FRMD3: variants seen among roughly 807,000 people sequenced by gnomAD.
FRMD3 encodes FERM domain-containing protein 3.
A neutral mutation model predicts 70.2 loss-of-function variants in FRMD3; 33 were observed. The observed-to-expected ratio is 0.47, with a 90% CI of 0.36 to 0.63. The LOEUF (loss-of-function observed/expected upper bound fraction) is 0.63, where lower values mean the gene tolerates loss of function less well. Ranked by LOEUF, FRMD3 falls within the 20% of genes least tolerant of loss-of-function variation. The pLI is 0.00. For synonymous variants in FRMD3, 279 were observed against 255.9 expected (o/e 1.09, Z -0.86); for missense variants, 632 against 711.4 (o/e 0.89, Z 1.27).
intron 1 of FRMD3, among the ~76,000 whole-genome samples, chr9:83,427,000 T>A (rs1282022049): frequency 6.6e-6 from 1 of 152,162 alleles, no homozygotes; most frequent in Non-Finnish European, 1.5e-5. Context: ...CCCAGCTAGA[T>A]CTGTGCCAAA....
chr9:83,378,634 A>ATATAATTTATATATTATATATAATATG (rs1413070623), intron 2 of FRMD3, among the ~76,000 whole-genome samples: 2 of 131,552 alleles, frequency 1.5e-5, no homozygotes, highest in African/African-American at 5.7e-5. Context: ...TAATTTATAT[A>ATATAATTTATATATTATATATAATATG]TATAATTTAT....
chr9:83,554,186 G>A, the FRMD3 span, among the ~76,000 whole-genome samples: 35 of 152,244 alleles, frequency 2.3e-4, 1 homozygote, highest in South Asian at 6.0e-3. Context: ...TAGGCTCATC[G>A]GTCAGTTTGT....
chr9:83,532,062 TCTCA>T (rs1453341436), intron 1 of FRMD3, among the ~76,000 whole-genome samples: 1 of 152,176 alleles, frequency 6.6e-6, no homozygotes, highest in African/African-American at 2.4e-5. Context: ...TTTTTTCAGC[TCTCA>T]CTATGTGCCA....
intron 13 of FRMD3, among the ~76,000 whole-genome samples, chr9:83,283,680 T>TG (rs1173461484): frequency 6.6e-6 from 1 of 152,180 alleles, no homozygotes; most frequent in Non-Finnish European, 1.5e-5. Context: ...TCCTAGCTCC[T>TG]GCAGAAGCAA....
the FRMD3 span, among the ~76,000 whole-genome samples, chr9:83,564,154 A>G: frequency 6.6e-6 from 1 of 152,210 alleles, no homozygotes; most frequent in African/African-American, 2.4e-5. Context: ...TAGTGGCCAT[A>G]TCAAAGTGGA....
At position 83,352,737 on chromosome 9, in the gene FRMD3, T is replaced by C. The variant is rs563327388; in HGVS notation, c.296-2980A>G. Among the ~76,000 whole-genome samples the C allele has an allele frequency of 5.3e-5, 8 of 152,314 alleles. No individual in the cohort carries two copies. The East Asian group carries it at 1.5e-3, about 29-fold the overall frequency. ...CCACCCTAAGTAGATTCTTGTCTGC[T>C]CTATGCTTCCTCAAGCCAGGGGCCC... is the stretch of plus-strand genomic sequence containing the variant. On this transcript the variant is annotated intron_variant, in intron 3 of 13. Coordinates refer to ENST00000304195, the MANE Select transcript of FRMD3 (RefSeq NM_174938.6).
In FRMD3 at chr9:83,517,627, C is replaced by T. The variant is rs548088214; in HGVS notation, c.147+20458G>A. Among the ~76,000 whole-genome samples the T allele has an allele frequency of 4.6e-5, 7 of 152,166 alleles. No individual in the cohort carries two copies. The East Asian group carries it at 1.4e-3, about 29-fold the overall frequency. ...AGCAATAAAAAAAGAGGGACTCATC[C>T]CTAACTCAATATATGAGGCCAGCAT... is the stretch of plus-strand genomic sequence containing the variant. On this transcript the variant is annotated intron_variant, in intron 1 of 13. Coordinates refer to ENST00000304195, the MANE Select transcript of FRMD3 (RefSeq NM_174938.6).
the FRMD3 span, among the ~76,000 whole-genome samples, chr9:83,575,424 G>T: frequency 6.6e-6 from 1 of 152,064 alleles, no homozygotes; most frequent in East Asian, 1.9e-4. Context: ...TGAGTTAATG[G>T]GTTACTGGCC....
At chr9:83,388,572 G>A (rs891726940) in intron 2 of FRMD3, among the ~76,000 whole-genome samples, 2 of 152,236 alleles carry the variant, frequency 1.3e-5, no homozygotes, top group South Asian at 2.1e-4. Flanking sequence ...CACACATCAC[G>A]TGGTTCTGGC....
At chr9:83,554,460 G>T in the FRMD3 span, among the ~76,000 whole-genome samples, 4 of 152,360 alleles carry the variant, frequency 2.6e-5, no homozygotes, top group African/African-American at 7.2e-5. Context: ...CCACCCCAGA[G>T]AGATGCTGGT....
chr9:83,353,708 T>C (rs1824240284), intron 3 of FRMD3, among the ~76,000 whole-genome samples: 1 of 152,182 alleles, frequency 6.6e-6, no homozygotes, highest in African/African-American at 2.4e-5. Flanking sequence ...ATTCCTGAGA[T>C]TTACATTTTG....
At chr9:83,518,932 T>A (rs1329874312) in intron 1 of FRMD3, among the ~76,000 whole-genome samples, 1 of 152,220 alleles carries the variant, frequency 6.6e-6, no homozygotes, top group African/African-American at 2.4e-5. Context: ...GAAAACTGGC[T>A]AGCCATATGC....
At chr9:83,483,358 T>C (rs1828612950) in intron 1 of FRMD3, among the ~76,000 whole-genome samples, 1 of 152,140 alleles carries the variant, frequency 6.6e-6, no homozygotes, top group Admixed American at 6.5e-5. Flanking sequence ...CAATTCAACC[T>C]CTTCTCTTCA....
chr9:83,526,074 A>C (rs2131551632), intron 1 of FRMD3, among the ~76,000 whole-genome samples: 1 of 152,282 alleles, frequency 6.6e-6, no homozygotes, highest in East Asian at 1.9e-4. Flanking sequence ...CAGACGCCCT[A>C]CAGGCACTTC....
At chr9:83,526,585 C>T (rs1401410253) in intron 1 of FRMD3, among the ~76,000 whole-genome samples, 1 of 152,188 alleles carries the variant, frequency 6.6e-6, no homozygotes, top group Non-Finnish European at 1.5e-5. Context: ...CCCCAGCCTG[C>T]ACTTGGTGCC....
intron 1 of FRMD3, among the ~76,000 whole-genome samples, chr9:83,413,177 A>T (rs1826328792): frequency 1.3e-5 from 2 of 152,202 alleles, no homozygotes; most frequent in African/African-American, 4.8e-5. Flanking sequence ...AAGTTAACTG[A>T]TCCTGTAAGT....
the FRMD3 span, among the ~76,000 whole-genome samples, chr9:83,554,784 G>T: frequency 6.6e-6 from 1 of 152,186 alleles, no homozygotes; most frequent in Non-Finnish European, 1.5e-5. Context: ...GGTGGCAGGT[G>T]GCTGGAGGCC....
intron 1 of FRMD3, among the ~76,000 whole-genome samples, chr9:83,520,049 G>A (rs1829537318): frequency 6.6e-6 from 1 of 152,138 alleles, no homozygotes; most frequent in South Asian, 2.1e-4. Flanking sequence ...TGTAGATGAC[G>A]AGTTGATGGG....
chr9:83,332,366 CTCTCTCTCTCTT>C (rs1025290717), intron 6 of FRMD3, among the ~76,000 whole-genome samples: 119 of 151,938 alleles, frequency 7.8e-4, no homozygotes, highest in African/African-American at 2.8e-3. Flanking sequence ...GAGTCAGTCT[CTCTCTCTCTCTT>C]TCTCTCTCTC....
Sources: allele counts gnomAD v4.1 joint callset (sites outside exome capture counted in the v4.1 genomes callset), GRCh38; gene constraint gnomAD v4.1.1; transcripts MANE v1.5; gene names NCBI Gene and HGNC (gene_info 2026-07-23, HGNC 2026-07-21).